MCTP1: variants seen among roughly 807,000 people sequenced by gnomAD.
MCTP1 encodes the protein multiple C2 and transmembrane domain containing 1, also known as multiple C2 and transmembrane domain-containing protein 1.
A neutral mutation model predicts 120.6 loss-of-function variants in MCTP1; 69 were observed. The observed-to-expected ratio is 0.57, with a 90% CI of 0.47 to 0.70. MCTP1 has a LOEUF of 0.70. Ranked by LOEUF, MCTP1 falls within the 30% of genes least tolerant of loss-of-function variation. The pLI, the probability that MCTP1 is intolerant of heterozygous loss-of-function variation, is 0.00. For missense variants in MCTP1, 1,203 were observed against 1,248.8 expected, an observed-to-expected ratio of 0.96 and a Z score of 0.55; for synonymous variants, 529 against 493.1, an observed-to-expected ratio of 1.07 and a Z score of -0.96.
At chr5:94,824,002 C>T (rs978505032) in intron 17 of MCTP1, among the ~76,000 whole-genome samples, 3 of 152,018 alleles carry the variant, frequency 2.0e-5, no homozygotes, top group Non-Finnish European at 4.4e-5. Flanking sequence ...AGAAATACTT[C>T]GACTTCTTCT....
intron 11 of MCTP1, among the ~76,000 whole-genome samples, chr5:94,894,243 C>G (rs371302776): frequency 2.6e-5 from 4 of 152,290 alleles, no homozygotes; most frequent in Admixed American, 6.5e-5. Flanking sequence ...TAGTTACCAG[C>G]GTACTAATTA....
chr5:94,901,762 CTG>C (rs1805612040), intron 10 of MCTP1, among the ~76,000 whole-genome samples: 1 of 152,196 alleles, frequency 6.6e-6, no homozygotes, highest in Non-Finnish European at 1.5e-5. Context: ...TTTCCATCTG[CTG>C]TCTCTGAACC....
intron 19 of MCTP1, among the ~76,000 whole-genome samples, chr5:94,716,561 T>C (rs1396080018): frequency 6.6e-6 from 1 of 152,212 alleles, no homozygotes; most frequent in East Asian, 1.9e-4. Flanking sequence ...TTTATGTCTA[T>C]GAAGCAAAGT....
chr5:95,122,994 TGAGAA>T (rs1451587682), intron 1 of MCTP1, among the ~76,000 whole-genome samples: 1 of 152,110 alleles, frequency 6.6e-6, no homozygotes, highest in African/African-American at 2.4e-5. Context: ...AGTGGGGAGA[TGAGAA>T]GAAAGTGCAG....
chr5:95,284,344 A>G lies in MCTP1; in HGVS notation c.232T>C (p.Trp78Arg), dbSNP rs759508816. ...TGCTTCCGCTTCTTGAAGCCGCTCC[A>G]CCTGCTGCCTGCACCACTCCCCCTG... The part of the protein sequence containing the change: ...PARGSGAGSR[W>R]SGFKKRKQVL... The change falls in exon 1 of 23, where the codon TGG (tryptophan) becomes CGG (arginine). Residue 78 changes from tryptophan to arginine, a missense_variant. By Grantham distance (101) the Trp-to-Arg change is moderately radical. This residue lies in a region of MCTP1 where 463 missense variants were observed against 377.8 expected (regional missense o/e 1.23). Coordinates refer to ENST00000515393, the MANE Select transcript of MCTP1 (RefSeq NM_024717.7). This position sits in a 1 kb window ranked among gnomAD's most constrained non-coding sequence, Gnocchi z 5.2. 1 of 1,596,880 alleles carries G rather than the reference A, an allele frequency of 6.3e-7. No individual in the cohort carries two copies. The highest frequency in any genetic ancestry group is 2.2e-5 in the East Asian group (1 of 44,740).
chr5:94,714,359 A>C (rs927703414), intron 20 of MCTP1, among the ~76,000 whole-genome samples: 10 of 152,182 alleles, frequency 6.6e-5, no homozygotes, highest in African/African-American at 2.4e-4. Flanking sequence ...TTTTTAAAAA[A>C]TTTAGTGTCA....
intron 17 of MCTP1, among the ~76,000 whole-genome samples, chr5:94,839,652 C>T (rs1790569406): frequency 6.6e-6 from 1 of 152,162 alleles, no homozygotes; most frequent in Non-Finnish European, 1.5e-5. Context: ...CCAAACCTCC[C>T]TGGGATGCAC....
chr5:95,147,508 T>C (rs992885377), intron 1 of MCTP1, among the ~76,000 whole-genome samples: 28 of 152,234 alleles, frequency 1.8e-4, no homozygotes, highest in Non-Finnish European at 2.9e-5. Flanking sequence ...TTATCTGATA[T>C]AAGAATAGTG....
chr5:95,117,078 C>T (rs903609762), intron 1 of MCTP1, among the ~76,000 whole-genome samples: 25 of 152,046 alleles, frequency 1.6e-4, no homozygotes, highest in South Asian at 6.2e-4. Context: ...AGGTGGGCAA[C>T]GGACATGAAC....
rs145478236 is a variant in MCTP1, at chr5:94,975,313, G to T, written c.839-21952C>A. 7.3e-4 allele frequency among the ~76,000 whole-genome samples: 111 copies of T among 152,138 alleles called. 1 individual carries two copies. In the South Asian group the frequency reaches 0.011, roughly 15 times the overall value. ...TTTGGAAGTAAAGACTTCAGGAGGC[G>T]ATTAGGTTTGGATAAGGTCATGAGG... On this transcript the variant is annotated intron_variant, in intron 2 of 22. Coordinates refer to ENST00000515393, the MANE Select transcript of MCTP1 (RefSeq NM_024717.7).
intron 19 of MCTP1, among the ~76,000 whole-genome samples, chr5:94,751,872 A>T (rs996122706): frequency 6.7e-6 from 1 of 148,694 alleles, no homozygotes; most frequent in Non-Finnish European, 1.5e-5. Flanking sequence ...AAAACCAAAC[A>T]CCGCATGTTC....
At chr5:94,927,669 T>G (rs1474454430) in intron 6 of MCTP1, among the ~76,000 whole-genome samples, 1 of 152,208 alleles carries the variant, frequency 6.6e-6, no homozygotes, top group Non-Finnish European at 1.5e-5. Flanking sequence ...TGTGAGATAC[T>G]TAAAGATGTG....
intron 1 of MCTP1, among the ~76,000 whole-genome samples, chr5:95,041,651 T>C (rs1842379700): frequency 6.6e-6 from 1 of 152,166 alleles, no homozygotes; most frequent in African/African-American, 2.4e-5. Flanking sequence ...TATTTTAGGA[T>C]ACAGGCCTTG....
intron 1 of MCTP1, among the ~76,000 whole-genome samples, chr5:95,116,920 T>G (rs1243211689): frequency 1.3e-5 from 2 of 152,186 alleles, no homozygotes; most frequent in Non-Finnish European, 2.9e-5. Flanking sequence ...CTTACCAACT[T>G]AAGAATCTTT....
chr5:94,915,469 T>C (rs995109638), intron 8 of MCTP1, among the ~76,000 whole-genome samples: 1 of 152,192 alleles, frequency 6.6e-6, no homozygotes, highest in Non-Finnish European at 1.5e-5. Flanking sequence ...CCACATGTGT[T>C]TATAATATTT....
intron 10 of MCTP1, among the ~76,000 whole-genome samples, chr5:94,906,591 A>G (rs898056948): frequency 3.3e-5 from 5 of 152,204 alleles, no homozygotes; most frequent in Non-Finnish European, 4.4e-5. Flanking sequence ...AGCCAGTCTT[A>G]TTTTTATTAA....
chr5:95,263,225 G>C (rs1758616941), intron 1 of MCTP1, among the ~76,000 whole-genome samples: 1 of 152,190 alleles, frequency 6.6e-6, no homozygotes, highest in African/African-American at 2.4e-5. Flanking sequence ...AGCAGCTCCA[G>C]CCCAAGTTCT....
At chr5:94,744,802 G>A (rs1213964746) in intron 19 of MCTP1, among the ~76,000 whole-genome samples, 1 of 152,078 alleles carries the variant, frequency 6.6e-6, no homozygotes, top group Non-Finnish European at 1.5e-5. Context: ...GAGCCACCGC[G>A]CCCAGCCACC....
chr5:95,275,002 C>T (rs1759712866), intron 1 of MCTP1, among the ~76,000 whole-genome samples: 1 of 152,142 alleles, frequency 6.6e-6, no homozygotes, highest in South Asian at 2.1e-4. Context: ...CTTCATCTCA[C>T]CACTCATTTC....
Sources: allele counts gnomAD v4.1 joint callset (sites outside exome capture counted in the v4.1 genomes callset), GRCh38; gene constraint gnomAD v4.1.1; regional missense constraint gnomAD v4.1.1; non-coding constraint Gnocchi (gnomAD v3.1); transcripts MANE v1.5; gene names NCBI Gene and HGNC (gene_info 2026-07-23, HGNC 2026-07-21).